The following KALRN variants were observed in gnomAD, a reference collection of about 807,000 sequenced individuals.
KALRN encodes the protein kalirin.
Under a neutral mutation model 353.7 loss-of-function variants are expected in KALRN, and 70 were observed. The ratio of observed to expected loss-of-function variants is 0.20; its 90% confidence interval spans 0.16 to 0.24. The LOEUF (loss-of-function observed/expected upper bound fraction) is 0.24, where lower values mean the gene tolerates loss of function less well. Among genes scored for constraint, KALRN ranks in the 10% least tolerant of loss-of-function variants. KALRN has a pLI of 1.00. For synonymous variants in KALRN, 1,391 were observed against 1,434.8 expected (o/e 0.97, Z 0.69); for missense variants, 2,791 against 3,756.7 (o/e 0.74, Z 6.72).
intron 10 of KALRN, among the ~76,000 whole-genome samples, chr3:124,347,995 G>T (rs146536473): frequency 1.3e-5 from 2 of 152,242 alleles, no homozygotes; most frequent in African/African-American, 4.8e-5. Context: ...TTTGTTCAGA[G>T]CCTCCACCTC....
chr3:124,151,447 A>C (rs1199660902), intron 1 of KALRN, among the ~76,000 whole-genome samples: 1 of 152,202 alleles, frequency 6.6e-6, no homozygotes, highest in African/African-American at 2.4e-5. Context: ...ATGGCTAATG[A>C]AGTCTAGAAC....
intron 10 of KALRN, among the ~76,000 whole-genome samples, chr3:124,378,693 T>TA (rs2086913933): frequency 3.3e-5 from 5 of 151,978 alleles, no homozygotes; most frequent in African/African-American, 1.2e-4. Context: ...TGTTTTTTTT[T>TA]TTATTTGTTT....
At chr3:124,601,287 A>G (rs2076781895) in intron 34 of KALRN, among the ~76,000 whole-genome samples, 1 of 152,240 alleles carries the variant, frequency 6.6e-6, no homozygotes, top group Non-Finnish European at 1.5e-5. Context: ...TTAGCTTGAG[A>G]ACAGCAACAT....
At chr3:124,156,864 C>G (rs2069074862) in intron 1 of KALRN, among the ~76,000 whole-genome samples, 1 of 152,214 alleles carries the variant, frequency 6.6e-6, no homozygotes, top group African/African-American at 2.4e-5. Context: ...CACTACAAGC[C>G]TTTGCCACCC....
intron 37 of KALRN, among the ~76,000 whole-genome samples, chr3:124,642,806 GT>G (rs71145471): frequency 0.02 from 1,905 of 96,720 alleles, 39 homozygotes; most frequent in African/African-American, 0.079. Flanking sequence ...CCCAAGCCTC[GT>G]TTTTTTTTTT....
chr3:124,198,674 C>G (rs2075673978), intron 1 of KALRN, among the ~76,000 whole-genome samples: 2 of 152,162 alleles, frequency 1.3e-5, no homozygotes, highest in African/African-American at 4.8e-5. Flanking sequence ...GAGGTCCATT[C>G]AGCTCCTATA....
At chr3:124,462,016 C>G in intron 24 of KALRN, 60 bp downstream of exon 24, 2 of 1,271,512 alleles carry the variant, frequency 1.6e-6, no homozygotes, top group South Asian at 2.4e-5. Flanking sequence ...TTGCCAGCAT[C>G]AAGTCCTCAA....
chr3:124,158,090 T>A (rs1042380149), intron 1 of KALRN, among the ~76,000 whole-genome samples: 1 of 152,242 alleles, frequency 6.6e-6, no homozygotes, highest in Non-Finnish European at 1.5e-5. Context: ...CAGGTGTGCC[T>A]TGTAAACTTC....
At chr3:124,152,514 T>A in intron 1 of KALRN, 1 of 766,234 alleles carries the variant, frequency 1.3e-6, no homozygotes, top group Non-Finnish European at 2.4e-6. Flanking sequence ...TCTGCCTATA[T>A]TCCTTGTTAC....
At chr3:124,620,529 A>G (rs1364061643) in intron 34 of KALRN, among the ~76,000 whole-genome samples, 1 of 152,234 alleles carries the variant, frequency 6.6e-6, no homozygotes, top group African/African-American at 2.4e-5. Flanking sequence ...ATGGGTGTGT[A>G]GGTTGAAATA....
intron 1 of KALRN, among the ~76,000 whole-genome samples, chr3:124,190,553 C>T (rs1050909770): frequency 3.4e-4 from 52 of 152,212 alleles, no homozygotes; most frequent in Non-Finnish European, 6.2e-4. Flanking sequence ...AATTTTGCAC[C>T]GCAAGAATTC....
At chr3:124,524,012 T>A (rs1249007352) in intron 33 of KALRN, among the ~76,000 whole-genome samples, 1 of 152,236 alleles carries the variant, frequency 6.6e-6, no homozygotes, top group Admixed American at 6.5e-5. Context: ...AGTAAACATT[T>A]ACTATGTATC....
intron 1 of KALRN, among the ~76,000 whole-genome samples, chr3:124,084,385 T>A (rs2060698666): frequency 6.6e-6 from 1 of 152,188 alleles, no homozygotes; most frequent in Non-Finnish European, 1.5e-5. Context: ...CAAGCTTCAG[T>A]ATGACCACTT....
intron 1 of KALRN, among the ~76,000 whole-genome samples, chr3:124,205,727 G>A (rs1039334284): frequency 5.3e-5 from 8 of 152,130 alleles, no homozygotes; most frequent in South Asian, 2.1e-4. Context: ...AACAATAACA[G>A]TATAGTACCT....
chr3:124,247,358 C>T (rs1197437196), intron 3 of KALRN, among the ~76,000 whole-genome samples: 2 of 152,184 alleles, frequency 1.3e-5, no homozygotes, highest in Non-Finnish European at 2.9e-5. Context: ...AAGGATTACT[C>T]TTCTTCAACT....
chr3:124,290,659 G>A (rs1193672271), intron 5 of KALRN, among the ~76,000 whole-genome samples: 1 of 152,110 alleles, frequency 6.6e-6, no homozygotes, highest in Non-Finnish European at 1.5e-5. Context: ...TAATTTCTTG[G>A]TGCCTTAGTT....
rs749646926 is a variant in KALRN, at chr3:124,347,276, G to C, written c.1770+11G>C. The C allele has an allele frequency of 1.5e-6, 1 of 654,344 alleles. No homozygotes were observed. 40.5% of individuals were successfully genotyped at this position (654,344 alleles called of 1,614,324 possible). A position where few individuals can be genotyped will look rare whatever the true frequency, so the allele number is the denominator to read the frequency against. On this transcript the variant is annotated intron_variant, in intron 10 of 59. Transcript: ENST00000682506. ...GAAGAGGTGGCTCAGGTGAGAAGCTGTGTGTGTGTGTGTGTGTGTGTGTGT... is the reference window on the plus strand; with the variant it reads ...GAAGAGGTGGCTCAGGTGAGAAGCTCTGTGTGTGTGTGTGTGTGTGTGTGT...
chr3:124,474,531 C>T (rs2061257287), intron 25 of KALRN, 132 bp from the exon 26 acceptor site: 1 of 678,140 alleles, frequency 1.5e-6, no homozygotes. Flanking sequence ...TGCACCTCAC[C>T]ATCTATCACT....
At chr3:124,690,035 A>G (rs1011008387) in intron 51 of KALRN, among the ~76,000 whole-genome samples, 1 of 152,084 alleles carries the variant, frequency 6.6e-6, no homozygotes, top group African/African-American at 2.4e-5. Flanking sequence ...ATGGCAGGAC[A>G]TTTTCTCAGC....
Sources: allele counts gnomAD v4.1 joint callset (sites outside exome capture counted in the v4.1 genomes callset), GRCh38; gene constraint gnomAD v4.1.1; transcripts MANE v1.5; gene names NCBI Gene and HGNC (gene_info 2026-07-23, HGNC 2026-07-21).